Variants in MACROD2 observed in about 807,000 individuals in gnomAD.
MACROD2 encodes mono-ADP ribosylhydrolase 2, also known as ADP-ribose glycohydrolase MACROD2.
MACROD2 carries 36 observed loss-of-function variants against 70.4 expected under a neutral mutation model. That is an observed-to-expected ratio of 0.51 (90% CI 0.39 to 0.68). MACROD2 has a LOEUF of 0.68. Ranked by LOEUF, MACROD2 falls within the 30% of genes least tolerant of loss-of-function variation. The pLI, the probability that MACROD2 is intolerant of heterozygous loss-of-function variation, is 0.00. For synonymous variants in MACROD2, 172 were observed against 178.8 expected, an observed-to-expected ratio of 0.96 and a Z score of 0.30; for missense variants, 496 against 538.4, an observed-to-expected ratio of 0.92 and a Z score of 0.78.
At chr20:14,968,454 G>A (rs968002289) in intron 5 of MACROD2, among the ~76,000 whole-genome samples, 4 of 152,126 alleles carry the variant, frequency 2.6e-5, no homozygotes, top group Non-Finnish European at 4.4e-5. Flanking sequence ...AGAATATTCA[G>A]CTACCAACCC....
intron 8 of MACROD2, among the ~76,000 whole-genome samples, chr20:15,734,752 C>G (rs988363069): frequency 6.6e-6 from 1 of 152,170 alleles, no homozygotes; most frequent in Non-Finnish European, 1.5e-5. Flanking sequence ...ACTAATTGCA[C>G]AAACACACAT....
chr20:14,314,592 C>G (rs1468099184), intron 3 of MACROD2, among the ~76,000 whole-genome samples: 1 of 152,038 alleles, frequency 6.6e-6, no homozygotes, highest in Admixed American at 6.6e-5. Context: ...GAAACCCCAT[C>G]TCTACTAAAA....
At chr20:15,557,728 A>G (rs918802085) in intron 8 of MACROD2, among the ~76,000 whole-genome samples, 2 of 152,180 alleles carry the variant, frequency 1.3e-5, no homozygotes, top group African/African-American at 4.8e-5. Context: ...TCATGATGGA[A>G]CACAGAGAGT....
chr20:15,708,765 C>T (rs1272947996), intron 8 of MACROD2, among the ~76,000 whole-genome samples: 1 of 151,410 alleles, frequency 6.6e-6, no homozygotes, highest in Non-Finnish European at 1.5e-5. Context: ...GTGGCTCACA[C>T]CTGTGATCCC....
At chr20:14,480,421 T>C (rs1023015562) in intron 3 of MACROD2, among the ~76,000 whole-genome samples, 9 of 152,216 alleles carry the variant, frequency 5.9e-5, no homozygotes, top group Non-Finnish European at 7.3e-5. Flanking sequence ...GAATACCATA[T>C]GCAAATTCTC....
At chr20:14,535,984 A>G (rs908511926) in intron 4 of MACROD2, among the ~76,000 whole-genome samples, 5 of 152,164 alleles carry the variant, frequency 3.3e-5, no homozygotes, top group Non-Finnish European at 7.4e-5. Context: ...ATCTAATGGA[A>G]ACAGGCCTGT....
intron 5 of MACROD2, among the ~76,000 whole-genome samples, chr20:15,042,589 A>G (rs1165919491): frequency 6.6e-6 from 1 of 152,190 alleles, no homozygotes; most frequent in Admixed American, 6.5e-5. Context: ...CACTGCCGGG[A>G]CAGAGCCAGA....
chr20:15,690,783 T>G (rs1445125626), intron 8 of MACROD2, among the ~76,000 whole-genome samples: 1 of 152,216 alleles, frequency 6.6e-6, no homozygotes, highest in African/African-American at 2.4e-5. Context: ...CATGATGACA[T>G]GACCAACCAA....
At chr20:15,129,986 G>A (rs1278736170) in intron 5 of MACROD2, among the ~76,000 whole-genome samples, 1 of 152,020 alleles carries the variant, frequency 6.6e-6, no homozygotes, top group African/African-American at 2.4e-5. Flanking sequence ...TTCTTCTCTT[G>A]TCCCTGTGCT....
At chr20:14,254,784 T>G (rs1190270774) in intron 3 of MACROD2, among the ~76,000 whole-genome samples, 1 of 152,124 alleles carries the variant, frequency 6.6e-6, no homozygotes, top group Non-Finnish European at 1.5e-5. Context: ...ATCCTGTCAT[T>G]ATGATGTTAG....
intron 8 of MACROD2, among the ~76,000 whole-genome samples, chr20:15,605,758 T>A (rs2048884796): frequency 2.6e-5 from 4 of 152,190 alleles, no homozygotes; most frequent in Admixed American, 2.6e-4. Flanking sequence ...TAGTCCATAT[T>A]TTATGACATA....
intron 15 of MACROD2, among the ~76,000 whole-genome samples, chr20:16,024,498 C>CACACACACACACACACACAG (rs768534345): frequency 1.2e-5 from 1 of 83,422 alleles, no homozygotes; most frequent in African/African-American, 4.0e-5. Flanking sequence ...CAGCCATGTT[C>CACACACACACACACACACAG]ACACACACAC....
chr20:14,639,177 T>G (rs1984957039), intron 4 of MACROD2, among the ~76,000 whole-genome samples: 1 of 152,132 alleles, frequency 6.6e-6, no homozygotes, highest in Non-Finnish European at 1.5e-5. Flanking sequence ...GTAGAAGAAT[T>G]TATAAGTGTA....
intron 5 of MACROD2, among the ~76,000 whole-genome samples, chr20:15,023,782 T>G (rs2075208862): frequency 6.6e-6 from 1 of 152,246 alleles, no homozygotes; most frequent in East Asian, 1.9e-4. Context: ...GTGGGAATTC[T>G]GGGGGCTGCA....
At chr20:14,960,489 G>C (rs1056054211) in intron 5 of MACROD2, among the ~76,000 whole-genome samples, 5 of 152,158 alleles carry the variant, frequency 3.3e-5, no homozygotes, top group African/African-American at 1.2e-4. Context: ...CTGTGCTATA[G>C]ACAATAATGA....
chr20:15,455,943 T>C (rs2046719102), intron 7 of MACROD2, among the ~76,000 whole-genome samples: 1 of 152,118 alleles, frequency 6.6e-6, no homozygotes, highest in Non-Finnish European at 1.5e-5. Flanking sequence ...TGAAATCTCT[T>C]TTTTATAAGC....
intron 7 of MACROD2, among the ~76,000 whole-genome samples, chr20:15,465,892 G>T (rs915309416): frequency 1.3e-5 from 2 of 152,130 alleles, no homozygotes; most frequent in Admixed American, 1.3e-4. Flanking sequence ...CATATTTACT[G>T]AGCCCATGCT....
intron 5 of MACROD2, among the ~76,000 whole-genome samples, chr20:15,145,184 C>T (rs1465452605): frequency 6.6e-6 from 1 of 152,112 alleles, no homozygotes; most frequent in Non-Finnish European, 1.5e-5. Flanking sequence ...CTGCTGTATT[C>T]ACAGATGACA....
At chr20:14,507,475 T>A (rs562297559) in intron 4 of MACROD2, among the ~76,000 whole-genome samples, 77 of 152,314 alleles carry the variant, frequency 5.1e-4, no homozygotes, top group Middle Eastern at 6.8e-3. Flanking sequence ...TGTGTGAATG[T>A]CTTTAATGTT....
Sources: gnomAD v4.1 joint callset for allele counts (sites outside exome capture counted in the v4.1 genomes callset) on GRCh38, gnomAD v4.1.1 for gene constraint, MANE v1.5 for transcripts, NCBI Gene and HGNC (gene_info 2026-07-23, HGNC 2026-07-21) for gene names.